The following FOXN3 variants were observed in gnomAD, a reference collection of about 807,000 sequenced individuals.
The protein encoded by FOXN3 is forkhead box protein N3.
Under a neutral mutation model 38.4 loss-of-function variants are expected in FOXN3, and 7 were observed. The ratio of observed to expected loss-of-function variants is 0.18; its 90% confidence interval spans 0.10 to 0.34. The LOEUF is 0.34. Ranked by LOEUF, FOXN3 falls within the 10% of genes least tolerant of loss-of-function variation. The pLI is 1.00. For missense variants in FOXN3, 456 were observed against 613.4 expected, an observed-to-expected ratio of 0.74 and a Z score of 2.71; for synonymous variants, 230 against 242.2, an observed-to-expected ratio of 0.95 and a Z score of 0.47.
chr14:89,181,528 G>A (rs879265439), intron 4 of FOXN3, among the ~76,000 whole-genome samples: 3 of 152,232 alleles, frequency 2.0e-5, no homozygotes, highest in Non-Finnish European at 4.4e-5. Context: ...CCTGAGGAAA[G>A]GCCCCTCCCC....
intron 2 of FOXN3, among the ~76,000 whole-genome samples, chr14:89,389,944 G>A (rs1890891369): frequency 6.6e-6 from 1 of 151,992 alleles, no homozygotes; most frequent in African/African-American, 2.4e-5. Flanking sequence ...TTCTGGCCAG[G>A]CACAGTGGCT....
At chr14:89,190,292 T>C (rs1887909487) in intron 4 of FOXN3, 1 of 958,290 alleles carries the variant, frequency 1.0e-6, no homozygotes, top group East Asian at 2.6e-5. Flanking sequence ...GAAGTTCTAC[T>C]TTAGCATTAG....
chr14:89,348,570 C>A (rs1566962794), intron 3 of FOXN3, among the ~76,000 whole-genome samples: 1 of 152,108 alleles, frequency 6.6e-6, no homozygotes, highest in Non-Finnish European at 1.5e-5. Context: ...AAGAGGCAGA[C>A]TAGAATCTCA....
intron 1 of FOXN3, among the ~76,000 whole-genome samples, chr14:89,529,093 T>G (rs1894498420): frequency 6.6e-6 from 1 of 152,144 alleles, no homozygotes; most frequent in Non-Finnish European, 1.5e-5. Flanking sequence ...CCCTACAGAA[T>G]GAAACTCTAG....
intron 1 of FOXN3, among the ~76,000 whole-genome samples, chr14:89,499,566 T>C (rs914189664): frequency 1.3e-5 from 2 of 152,180 alleles, no homozygotes; most frequent in Non-Finnish European, 2.9e-5. Context: ...TTATGCTTAA[T>C]TTTAGTTTCT....
At chr14:89,250,683 TG>T (rs1885427725) in intron 4 of FOXN3, among the ~76,000 whole-genome samples, 1 of 152,192 alleles carries the variant, frequency 6.6e-6, no homozygotes, top group Admixed American at 6.5e-5. Context: ...GTTCCCGATA[TG>T]GGTTGGCTGT....
At chr14:89,609,345 G>C (rs1896345804) in intron 1 of FOXN3, among the ~76,000 whole-genome samples, 1 of 152,098 alleles carries the variant, frequency 6.6e-6, no homozygotes, top group South Asian at 2.1e-4. Context: ...TGGAACCACA[G>C]GTGCACACCA....
At chr14:89,213,925 A>G (rs569574968) in intron 4 of FOXN3, among the ~76,000 whole-genome samples, 1 of 152,338 alleles carries the variant, frequency 6.6e-6, no homozygotes, top group South Asian at 2.1e-4. Flanking sequence ...CAAAGATAAT[A>G]TTACCATGTA....
intron 3 of FOXN3, among the ~76,000 whole-genome samples, chr14:89,332,076 C>T (rs1888263022): frequency 6.6e-6 from 1 of 152,210 alleles, no homozygotes; most frequent in Non-Finnish European, 1.5e-5. Context: ...AAACTAAAGT[C>T]CTAACAACCC....
intron 4 of FOXN3, among the ~76,000 whole-genome samples, chr14:89,226,004 C>T (rs186340661): frequency 1.7e-3 from 257 of 150,948 alleles, no homozygotes; most frequent in African/African-American, 5.9e-3. Flanking sequence ...TAGGTTTATC[C>T]CTGACCAATT....
At chr14:89,338,750 A>G (rs1888535561) in intron 3 of FOXN3, among the ~76,000 whole-genome samples, 1 of 152,182 alleles carries the variant, frequency 6.6e-6, no homozygotes, top group Non-Finnish European at 1.5e-5. Flanking sequence ...AGGAGGCTGC[A>G]GTGAGCCAAG....
intron 3 of FOXN3, chr14:89,290,785 C>A (rs1006580862): frequency 3.6e-6 from 1 of 276,184 alleles, no homozygotes; most frequent in East Asian, 1.1e-4. Context: ...CAGTGATGTG[C>A]CAGAGCCCTG....
At chr14:89,370,640 T>A (rs1890292327) in intron 2 of FOXN3, among the ~76,000 whole-genome samples, 1 of 152,226 alleles carries the variant, frequency 6.6e-6, no homozygotes, top group Non-Finnish European at 1.5e-5. Flanking sequence ...TTAAAGGGAA[T>A]AAGCAGAGAA....
intron 5 of FOXN3, among the ~76,000 whole-genome samples, chr14:89,175,971 T>A (rs1887509091): frequency 6.6e-6 from 1 of 152,128 alleles, no homozygotes; most frequent in Non-Finnish European, 1.5e-5. Context: ...GGGCTATCCA[T>A]CATGGGTTCC....
intron 1 of FOXN3, among the ~76,000 whole-genome samples, chr14:89,466,053 C>T (rs1028353132): frequency 1.3e-5 from 2 of 152,298 alleles, no homozygotes; most frequent in African/African-American, 4.8e-5. Context: ...ACAGTGTGAT[C>T]GTCACTGAGC....
chr14:89,356,035 G>C (rs1424750358), intron 2 of FOXN3, among the ~76,000 whole-genome samples: 2 of 149,514 alleles, frequency 1.3e-5, no homozygotes, highest in Non-Finnish European at 3.0e-5. Context: ...AGAACATTCA[G>C]GTATGAAAAG....
intron 3 of FOXN3, among the ~76,000 whole-genome samples, chr14:89,330,398 C>G (rs916745936): frequency 6.6e-6 from 1 of 152,230 alleles, no homozygotes; most frequent in African/African-American, 2.4e-5. Context: ...CCAGCTGCCC[C>G]TGACCTCATT....
chr14:89,223,604 G>A (rs1433146664), intron 4 of FOXN3, among the ~76,000 whole-genome samples: 1 of 152,224 alleles, frequency 6.6e-6, no homozygotes, highest in East Asian at 1.9e-4. Flanking sequence ...CCCCTGGTAG[G>A]TCCCTTTCAG....
chr14:89,380,566 G>A (rs934169684), intron 2 of FOXN3, among the ~76,000 whole-genome samples: 4 of 152,202 alleles, frequency 2.6e-5, no homozygotes, highest in East Asian at 1.9e-4. Flanking sequence ...CCCGTACACC[G>A]TGCCCGTCTG....
Sources: gnomAD v4.1 joint callset for allele counts (sites outside exome capture counted in the v4.1 genomes callset) on GRCh38, gnomAD v4.1.1 for gene constraint, MANE v1.5 for transcripts, NCBI Gene and HGNC (gene_info 2026-07-23, HGNC 2026-07-21) for gene names.